TYRP1: variants seen among roughly 807,000 people sequenced by gnomAD.
TYRP1 encodes tyrosinase related protein 1.
In TYRP1, 49 loss-of-function variants were observed where a neutral mutation model predicts 42.8. That is an observed-to-expected ratio of 1.14 (90% confidence interval 0.91 to 1.45). The LOEUF (loss-of-function observed/expected upper bound fraction) is 1.45. Among genes scored for constraint, TYRP1 ranks in the 40% most tolerant of loss-of-function variants. TYRP1 has a pLI of 0.00. For synonymous variants in TYRP1, 279 were observed against 235.4 expected (o/e 1.19, Z -1.69); for missense variants, 848 against 662.0 (o/e 1.28, Z -3.08).
rs1818338886 is a variant in TYRP1 at position 12,710,256 on chromosome 9, A to AAAC, written c.*1076_*1077insCAA. The AAAC allele has an allele frequency of 2.7e-5, 4 of 150,884 alleles. No homozygotes were observed. The highest frequency in any genetic ancestry group is 5.9e-5 in the Non-Finnish European group (4 of 67,416). 9.3% of individuals were successfully genotyped at this position (150,884 alleles called of 1,614,324 possible). ...TATTTTAATTAAAATTGGTAAAAAT[A>AAAC]AATAATAACAGTAATAATCATGCAC... On this transcript the variant is annotated 3_prime_UTR_variant, in exon 8 of 8. Coordinates refer to ENST00000388918, the MANE Select transcript of TYRP1 (RefSeq NM_000550.3).
At chr9:12,693,667 G>A (rs1315619510) in intron 1 of TYRP1, among the ~76,000 whole-genome samples, 189 bp downstream of exon 1, 2 of 150,512 alleles carry the variant, frequency 1.3e-5, no homozygotes, top group Non-Finnish European at 2.9e-5. Context: ...CTGATATCTA[G>A]TATGTATATA....
Position 12,704,541 on chromosome 9 carries a change from C to G in TYRP1, c.1097C>G (p.Thr366Arg). Residue 366 changes from threonine to arginine, a missense_variant, in exon 6 of 8, where the codon ACG becomes AGG. Transcript: ENST00000388918. ...RNTVEGYSDP[T>R]GKYDPAVRSL... ...ATGTGTCTAGGTTACAGTGACCCCACGGGAAAGTATGACCCTGCTGTTCGA... is the reference window on the plus strand; with the variant it reads ...ATGTGTCTAGGTTACAGTGACCCCAGGGGAAAGTATGACCCTGCTGTTCGA... The G allele has an allele frequency of 2.5e-6, 4 of 1,612,354 alleles. No individual in the cohort carries two copies. The highest frequency in any genetic ancestry group is 3.4e-6 in the Non-Finnish European group (4 of 1,179,382).
rs184910238 is a variant in TYRP1, at chr9:12,704,582, G to T, written c.1138G>T (p.Ala380Ser). ...DPAVRSLHNL[A>S]HLFLNGTGGQ... ...TGCTGTTCGAAGTCTTCACAATTTG[G>T]CTCATCTATTCCTGAATGGAACAGG... Residue 380 changes from alanine to serine, a missense_variant, in exon 6 of 8, where the codon GCT becomes TCT. Coordinates refer to ENST00000388918, the MANE Select transcript of TYRP1 (RefSeq NM_000550.3). 210 of 1,612,988 alleles carry T rather than the reference G, an allele frequency of 1.3e-4. 1 individual carries two copies. The East Asian group carries it at 2.8e-3, about 21-fold the overall frequency.
At chr9:12,694,452 T>C in intron 2 of TYRP1, 71 bp downstream of exon 2, 1 of 1,559,310 alleles carries the variant, frequency 6.4e-7, no homozygotes, top group East Asian at 2.3e-5. Flanking sequence ...TCTTAAATCA[T>C]TTGAGCTGGA....
intron 7 of TYRP1, among the ~76,000 whole-genome samples, chr9:12,708,600 C>T (rs1168343778): frequency 6.6e-6 from 1 of 151,860 alleles, no homozygotes; most frequent in Admixed American, 6.6e-5. Context: ...TTTTGAAGTT[C>T]AAAAGTTTTT....
intron 3 of TYRP1, among the ~76,000 whole-genome samples, chr9:12,698,023 A>T (rs1469021003): frequency 1.3e-5 from 2 of 152,296 alleles, no homozygotes; most frequent in South Asian, 2.1e-4. Flanking sequence ...ACATATTTTA[A>T]GGCTGGATCT....
In TYRP1 at chr9:12,696,994, A is replaced by G. The variant is rs74407775; in HGVS notation, c.708+1157A>G. ...GAGAATTAATGCACTAACATACAGG[A>G]TAAAATATTCTTTTGAAAGTACACT... On this transcript the variant is annotated intron_variant, in intron 3 of 7. Coordinates refer to ENST00000388918, the MANE Select transcript of TYRP1 (RefSeq NM_000550.3). 6.2e-3 allele frequency among the ~76,000 whole-genome samples: 946 copies of G among 152,328 alleles called. 11 individuals are homozygous for G. Among genetic ancestry groups the G allele is most frequent in the African/African-American group, 0.021 (887 of 41,574 alleles).
At chr9:12,695,976 A>G (rs2118224617) in intron 3 of TYRP1, 139 bp downstream of exon 3, 1 of 874,814 alleles carries the variant, frequency 1.1e-6, no homozygotes, top group Non-Finnish European at 1.7e-6. Context: ...TGTCTTTGGC[A>G]TTTCGTTTTC....
intron 3 of TYRP1, among the ~76,000 whole-genome samples, chr9:12,697,591 A>T (rs1563852947): frequency 6.6e-6 from 1 of 152,140 alleles, no homozygotes; most frequent in Non-Finnish European, 1.5e-5. Flanking sequence ...AGATAAGATA[A>T]AACAATTGCA....
intron 4 of TYRP1, among the ~76,000 whole-genome samples, chr9:12,702,013 A>G (rs1170034296): frequency 3.3e-5 from 5 of 152,060 alleles, no homozygotes; most frequent in Admixed American, 2.6e-4. Context: ...AACAAATATC[A>G]ACACCTGTAT....
chr9:12,709,712 G>C lies in TYRP1; in HGVS notation c.*530G>C. On this transcript the variant is annotated 3_prime_UTR_variant, in exon 8 of 8. Transcript: ENST00000388918. ...TTAACCTTTTCAAATTAATGTTCCA[G>C]TTTGAAGACCAATCAAATATATTAT... The C allele has an allele frequency of 6.2e-6, 1 of 161,846 alleles. No individual in the cohort carries two copies. Among genetic ancestry groups the C allele is most frequent in the South Asian group, 1.7e-4 (1 of 5,980 alleles). The allele number at this position is 161,846 out of a possible 1,614,324, so 10.0% of individuals were successfully genotyped here.
intron 7 of TYRP1, among the ~76,000 whole-genome samples, chr9:12,708,612 G>A (rs1441411482): frequency 2.6e-5 from 4 of 151,868 alleles, no homozygotes; most frequent in African/African-American, 9.7e-5. Flanking sequence ...AAAGTTTTTT[G>A]TTTAAATCTT....
In TYRP1 at chr9:12,694,049, T is replaced by A; in HGVS notation, c.53T>A (p.Leu18His). The change falls in exon 2 of 8, where the codon CTT becomes CAT. Residue 18 changes from leucine (L) to histidine (H), a missense_variant. By Grantham distance (99) the Leu-to-His change is moderately conservative. Transcript: ENST00000388918. Reference protein sequence around the residue: ...SLGCIFFPLLLFQQARAQFPR... With the variant: ...SLGCIFFPLLHFQQARAQFPR... ...GGCTGTATCTTCTTCCCCTTGCTAC[T>A]TTTTCAGCAGGCCCGGGCTCAATTC... 1 of 1,614,034 alleles carries A rather than the reference T, an allele frequency of 6.2e-7. No homozygotes were observed. Among genetic ancestry groups the A allele is most frequent in the Non-Finnish European group, 8.5e-7 (1 of 1,180,008 alleles).
intron 4 of TYRP1, among the ~76,000 whole-genome samples, chr9:12,701,491 C>T (rs1201720722): frequency 1.3e-5 from 2 of 151,898 alleles, no homozygotes; most frequent in Non-Finnish European, 2.9e-5. Context: ...TGTATCATCT[C>T]TTGCCATTTC....
At chr9:12,697,294 A>G (rs976854754) in intron 3 of TYRP1, among the ~76,000 whole-genome samples, 7 of 152,178 alleles carry the variant, frequency 4.6e-5, no homozygotes, top group African/African-American at 1.7e-4. Flanking sequence ...GGGATGCAAC[A>G]AATTAGAATT....
intron 5 of TYRP1, 39 bp from the exon 6 acceptor site, chr9:12,704,487 G>T (rs770848720): frequency 1.3e-6 from 2 of 1,587,716 alleles, no homozygotes; most frequent in South Asian, 2.2e-5. Flanking sequence ...TGAAATATTT[G>T]CAATAGTTTT....
Position 12,702,254 on chromosome 9 carries a change from C to T in TYRP1, c.914-17C>T, listed in dbSNP as rs780413023. 3 of 1,612,550 alleles carry T rather than the reference C, an allele frequency of 1.9e-6. No homozygotes were observed. Among genetic ancestry groups the T allele is most frequent in the South Asian group, 1.1e-5 (1 of 91,036 alleles). On this transcript the variant is annotated splice_polypyrimidine_tract_variant and intron_variant, in intron 4 of 7. Coordinates refer to ENST00000388918, the MANE Select transcript of TYRP1 (RefSeq NM_000550.3). The stretch of plus-strand genomic sequence containing the variant: ...AAACATTGTGTAAATGTTTCCACAT[C>T]CCATTTTTTTCTGCAGGCACCGAGG...
chr9:12,709,439 C>G lies in TYRP1; in HGVS notation c.*257C>G, dbSNP rs1002845838. The G allele has an allele frequency of 2.1e-6, 1 of 481,042 alleles. No individual in the cohort carries two copies. The highest frequency in any genetic ancestry group is 2.0e-5 in the African/African-American group (1 of 50,384). 29.8% of individuals were successfully genotyped at this position (481,042 alleles called of 1,614,324 possible). On this transcript the variant is annotated 3_prime_UTR_variant, in exon 8 of 8. Transcript: ENST00000388918. ...TGATATTTAAGGATAGTGTGAAGAT[C>G]TTTGGCATGATTTAAAGGTTGAGTA... is the stretch of plus-strand genomic sequence containing the variant.
intron 4 of TYRP1, among the ~76,000 whole-genome samples, chr9:12,699,812 G>T (rs1410291911): frequency 6.6e-6 from 1 of 151,994 alleles, no homozygotes; most frequent in Non-Finnish European, 1.5e-5. Context: ...TTGTATTTTG[G>T]CCTGAGAGTT....
Sources: gnomAD v4.1 joint callset for allele counts (sites outside exome capture counted in the v4.1 genomes callset) on GRCh38, gnomAD v4.1.1 for gene constraint, MANE v1.5 for transcripts, NCBI Gene and HGNC (gene_info 2026-07-23, HGNC 2026-07-21) for gene names.